The following TAFA4 variants were observed in gnomAD, a reference collection of about 807,000 sequenced individuals.
The protein encoded by TAFA4 is TAFA chemokine like family member 4.
Under a neutral mutation model 21.1 loss-of-function variants are expected in TAFA4, and 20 were observed. The observed-to-expected ratio is 0.95, with a 90% CI of 0.67 to 1.38. The LOEUF (loss-of-function observed/expected upper bound fraction) is 1.38, where lower values mean the gene tolerates loss of function less well. Among genes scored for constraint, TAFA4 ranks in the 40% most tolerant of loss-of-function variants. The pLI, the probability that TAFA4 is intolerant of heterozygous loss-of-function variation, is 0.00. For synonymous variants in TAFA4, 71 were observed against 67.4 expected (o/e 1.05, Z -0.26); for missense variants, 211 against 180.9 (o/e 1.17, Z -0.95).
intron 3 of TAFA4, among the ~76,000 whole-genome samples, chr3:68,842,206 C>T (rs1457950429): frequency 6.6e-6 from 1 of 152,198 alleles, no homozygotes; most frequent in Non-Finnish European, 1.5e-5. Flanking sequence ...CCTCCAGCAT[C>T]TGTTGTTTCC....
intron 3 of TAFA4, among the ~76,000 whole-genome samples, chr3:68,811,931 C>T (rs369626960): frequency 2.6e-5 from 4 of 152,188 alleles, no homozygotes; most frequent in South Asian, 2.1e-4. Context: ...AGAGAAAGGT[C>T]GGGTTACCCA....
chr3:68,783,671 C>CAGAGAGAGAGAGAGAGAG (rs796524736), intron 3 of TAFA4, among the ~76,000 whole-genome samples: 16 of 96,290 alleles, frequency 1.7e-4, no homozygotes, highest in African/African-American at 2.6e-4. Context: ...GACACACACA[C>CAGAGAGAGAGAGAGAGAG]ACAGAGAGAG....
intron 3 of TAFA4, among the ~76,000 whole-genome samples, chr3:68,786,454 G>A (rs2106805855): frequency 6.6e-6 from 1 of 152,288 alleles, no homozygotes; most frequent in East Asian, 1.9e-4. Flanking sequence ...AACAGCCACT[G>A]CATTCCAGAC....
intron 1 of TAFA4, among the ~76,000 whole-genome samples, chr3:68,907,787 A>G (rs924130862): frequency 3.9e-5 from 6 of 152,238 alleles, no homozygotes; most frequent in Non-Finnish European, 7.3e-5. Context: ...GGTAAACTCT[A>G]AAGAATCCAG....
At chr3:68,923,135 C>A (rs2090075998) in intron 1 of TAFA4, among the ~76,000 whole-genome samples, 1 of 152,162 alleles carries the variant, frequency 6.6e-6, no homozygotes, top group Non-Finnish European at 1.5e-5. Context: ...AATTAGAACA[C>A]CCTGTCAGAC....
At chr3:68,919,257 C>T (rs1280149618) in intron 1 of TAFA4, among the ~76,000 whole-genome samples, 1 of 152,210 alleles carries the variant, frequency 6.6e-6, no homozygotes, top group East Asian at 1.9e-4. Flanking sequence ...CCCAGTAGGA[C>T]TGTGCAGCTC....
intron 1 of TAFA4, among the ~76,000 whole-genome samples, chr3:68,891,793 C>G (rs17048119): frequency 9.3e-4 from 142 of 152,154 alleles, no homozygotes; most frequent in Non-Finnish European, 1.6e-3. Context: ...ATAGAAATCT[C>G]GAAGCAGAAC....
At chr3:68,874,017 T>G (rs771301446) in intron 3 of TAFA4, among the ~76,000 whole-genome samples, 5 of 152,130 alleles carry the variant, frequency 3.3e-5, no homozygotes, top group Non-Finnish European at 7.4e-5. Flanking sequence ...TATATTATAT[T>G]TTTCCTGAAA....
At chr3:68,741,626 G>T (rs1041792596) in intron 4 of TAFA4, among the ~76,000 whole-genome samples, 1 of 151,640 alleles carries the variant, frequency 6.6e-6, no homozygotes, top group African/African-American at 2.4e-5. Context: ...AACCCCATCT[G>T]TACTAAAAAT....
chr3:68,740,256 T>G (rs770616653), intron 4 of TAFA4, among the ~76,000 whole-genome samples: 14 of 152,232 alleles, frequency 9.2e-5, no homozygotes, highest in Admixed American at 5.2e-4. Flanking sequence ...GTTAATATGG[T>G]CATCATCTTT....
At chr3:68,834,181 C>T (rs1704467025) in intron 3 of TAFA4, among the ~76,000 whole-genome samples, 1 of 152,138 alleles carries the variant, frequency 6.6e-6, no homozygotes, top group Non-Finnish European at 1.5e-5. Flanking sequence ...TAGGGTCTGC[C>T]TACTTAAGCA....
intron 1 of TAFA4, among the ~76,000 whole-genome samples, chr3:68,895,741 G>A (rs2089781976): frequency 6.6e-6 from 1 of 152,144 alleles, no homozygotes; most frequent in South Asian, 2.1e-4. Flanking sequence ...CCTGTGCTGA[G>A]TACTGGACAC....
At chr3:68,813,164 A>G (rs1042285939) in intron 3 of TAFA4, among the ~76,000 whole-genome samples, 26 of 152,182 alleles carry the variant, frequency 1.7e-4, no homozygotes, top group African/African-American at 6.0e-4. Context: ...TCTCTGGGAC[A>G]CATTCAAAGC....
chr3:68,776,033 A>G (rs543146113), intron 3 of TAFA4, among the ~76,000 whole-genome samples: 21 of 152,320 alleles, frequency 1.4e-4, no homozygotes, highest in African/African-American at 5.1e-4. Context: ...AAGGCAAAAT[A>G]TAGTACAAAA....
At chr3:68,922,367 A>G (rs1311887878) in intron 1 of TAFA4, among the ~76,000 whole-genome samples, 1 of 152,214 alleles carries the variant, frequency 6.6e-6, no homozygotes, top group Non-Finnish European at 1.5e-5. Context: ...AATATTAGGA[A>G]TGTCAAGAAT....
At chr3:68,843,432 G>C (rs1704713921) in intron 3 of TAFA4, among the ~76,000 whole-genome samples, 4 of 152,168 alleles carry the variant, frequency 2.6e-5, no homozygotes, top group Admixed American at 2.6e-4. Context: ...CTGAGACAAT[G>C]GGGTTTTCTA....
chr3:68,833,563 A>G (rs1336378764), intron 3 of TAFA4, among the ~76,000 whole-genome samples: 1 of 152,242 alleles, frequency 6.6e-6, no homozygotes, highest in African/African-American at 2.4e-5. Context: ...AAAAGGTAAG[A>G]AAAACAAGTT....
At chr3:68,856,454 G>A (rs566151580) in intron 3 of TAFA4, among the ~76,000 whole-genome samples, 1 of 152,128 alleles carries the variant, frequency 6.6e-6, no homozygotes, top group South Asian at 2.1e-4. Flanking sequence ...ATTCCCAAAC[G>A]CTTTACCTAT....
chr3:68,791,332 CAG>C (rs1703357288), intron 3 of TAFA4, among the ~76,000 whole-genome samples: 1 of 152,146 alleles, frequency 6.6e-6, no homozygotes, highest in African/African-American at 2.4e-5. Context: ...AAGACAGAGG[CAG>C]AGAGAGTATG....
Sources: gnomAD v4.1 joint callset for allele counts (sites outside exome capture counted in the v4.1 genomes callset) on GRCh38, gnomAD v4.1.1 for gene constraint, MANE v1.5 for transcripts, NCBI Gene and HGNC (gene_info 2026-07-23, HGNC 2026-07-21) for gene names.